CYP4X1: variants seen among roughly 807,000 people sequenced by gnomAD.
CYP4X1 encodes cytochrome P450 family 4 subfamily X member 1.
Under a neutral mutation model 57.9 loss-of-function variants are expected in CYP4X1, and 44 were observed. The observed-to-expected ratio is 0.76, with a 90% CI of 0.60 to 0.98. CYP4X1 has a LOEUF of 0.98. CYP4X1 is among the 50% of genes least tolerant of loss of function. The pLI, the probability that CYP4X1 is intolerant of heterozygous loss-of-function variation, is 0.00. For missense variants in CYP4X1, 532 were observed against 623.9 expected, an observed-to-expected ratio of 0.85 and a Z score of 1.57; for synonymous variants, 227 against 228.6, an observed-to-expected ratio of 0.99 and a Z score of 0.06.
rs373064186 is a variant in CYP4X1, at chr1:47,031,445, C to T, written c.329C>T (p.Ser110Phe). Residue 110 changes from serine to phenylalanine, a missense_variant, in exon 3 of 12, where the codon TCC becomes TTC. Coordinates refer to ENST00000371901, the MANE Select transcript of CYP4X1 (RefSeq NM_178033.2). ...KTLLSRTDPK[S>F]QYLQKFSPPL... is the part of the protein sequence containing the mutation. The stretch of plus-strand genomic sequence containing the variant: ...CTGCTTGACTCTGCAGATCCCAAGT[C>T]CCAGTACCTGCAGAAATTCTCACCT... 1.2e-6 allele frequency: 2 copies of T among 1,613,884 alleles called. No individual in the cohort carries two copies. The highest frequency in any genetic ancestry group is 2.7e-5 in the African/African-American group (2 of 74,876).
At chr1:47,012,711 C>T in the CYP4X1 span, among the ~76,000 whole-genome samples, 1 of 152,104 alleles carries the variant, frequency 6.6e-6, no homozygotes, top group African/African-American at 2.4e-5. Context: ...GCTTATTTGT[C>T]CTTATTTGTG....
the CYP4X1 span, among the ~76,000 whole-genome samples, chr1:46,968,844 C>A: frequency 3.9e-5 from 6 of 152,328 alleles, no homozygotes; most frequent in Non-Finnish European, 5.9e-5. Context: ...GTGTATGGGA[C>A]TTTACCCTCA....
At chr1:46,991,168 T>C in the CYP4X1 span, among the ~76,000 whole-genome samples, 1 of 152,084 alleles carries the variant, frequency 6.6e-6, no homozygotes, top group African/African-American at 2.4e-5. Flanking sequence ...CTGCTTTTAA[T>C]GCGTTCTCTC....
chr1:46,963,285 A>T, the CYP4X1 span, among the ~76,000 whole-genome samples: 2 of 152,066 alleles, frequency 1.3e-5, no homozygotes, highest in South Asian at 4.2e-4. Flanking sequence ...TGTGAATTTG[A>T]TCCTGTCATT....
At chr1:47,012,463 C>T in the CYP4X1 span, among the ~76,000 whole-genome samples, 7 of 152,046 alleles carry the variant, frequency 4.6e-5, no homozygotes, top group Admixed American at 6.6e-5. Flanking sequence ...AGGTAAATGA[C>T]GAGTTAATGG....
At chr1:46,962,748 C>T in the CYP4X1 span, among the ~76,000 whole-genome samples, 1 of 152,146 alleles carries the variant, frequency 6.6e-6, no homozygotes, top group Non-Finnish European at 1.5e-5. Context: ...GTGGAGAGTT[C>T]TGTAGATATG....
At chr1:46,964,542 C>T in the CYP4X1 span, among the ~76,000 whole-genome samples, 1 of 152,312 alleles carries the variant, frequency 6.6e-6, no homozygotes, top group Non-Finnish European at 1.5e-5. Context: ...GCAGTGGAGG[C>T]TGCAGAACAG....
chr1:47,035,921 G>T lies in CYP4X1; in HGVS notation c.608G>T (p.Cys203Phe). 1 of 1,613,658 alleles carries T rather than the reference G, an allele frequency of 6.2e-7. No homozygotes were observed. The highest frequency in any genetic ancestry group is 8.5e-7 in the Non-Finnish European group (1 of 1,179,750). The change falls in exon 5 of 12, where the codon TGC (cysteine) becomes TTC (phenylalanine). Residue 203 changes from cysteine (C) to phenylalanine (F), a missense_variant. Cys to Phe is a radical substitution (Grantham distance 205, BLOSUM62 -2). Transcript: ENST00000371901. Reference protein sequence around the residue: ...MKCAFSKETNCQTNSTHDPYA... With the variant: ...MKCAFSKETNFQTNSTHDPYA... Reference sequence around the variant, plus strand: ...TGCGCTTTCAGCAAGGAGACCAACTGCCAGACAAACAGGTCAGTGGTGGGA... The same window carrying T: ...TGCGCTTTCAGCAAGGAGACCAACTTCCAGACAAACAGGTCAGTGGTGGGA...
intron 11 of CYP4X1, 95 bp downstream of exon 11, chr1:47,049,599 G>C (rs1325528739): frequency 1.8e-6 from 2 of 1,142,290 alleles, no homozygotes; most frequent in African/African-American, 3.1e-5. Context: ...ATTCTTCCAG[G>C]GAACCGTAGA....
chr1:46,987,675 A>G, the CYP4X1 span, among the ~76,000 whole-genome samples: 1 of 152,178 alleles, frequency 6.6e-6, no homozygotes, highest in Non-Finnish European at 1.5e-5. Context: ...AGAAATCATA[A>G]CAAACAGTCT....
chr1:47,039,605 C>T lies in CYP4X1; in HGVS notation c.1073+73C>T, dbSNP rs192470020. The T allele has an allele frequency of 7.8e-4, 984 of 1,267,916 alleles. 11 individuals carry two copies. The African/African-American group carries it at 0.013, about 16-fold the overall frequency. The allele number at this position is 1,267,916 out of a possible 1,614,324, so 78.5% of individuals were successfully genotyped here. A position where few individuals can be genotyped will look rare whatever the true frequency, so the allele number is the denominator to read the frequency against. On this transcript the variant is annotated intron_variant, in intron 8 of 11. Coordinates refer to ENST00000371901, the MANE Select transcript of CYP4X1 (RefSeq NM_178033.2). ...TTTGCTTTATTTTTTGCGCTGGTAC[C>T]TTAGTGACCCTAGTGCCTCAGGATA...
chr1:47,027,035 A>G (rs1339368856), intron 1 of CYP4X1, among the ~76,000 whole-genome samples: 1 of 151,866 alleles, frequency 6.6e-6, no homozygotes, highest in Non-Finnish European at 1.5e-5. Context: ...TTTTTTAACG[A>G]TGTTTTTGTA....
chr1:46,972,776 G>A, the CYP4X1 span, among the ~76,000 whole-genome samples: 1 of 152,006 alleles, frequency 6.6e-6, no homozygotes. Context: ...GATTTTTATA[G>A]AATGATTTTG....
rs145258579 is a variant in CYP4X1 at position 47,036,417 on chromosome 1, A to G, written c.775+246A>G. On this transcript the variant is annotated intron_variant, in intron 6 of 11. Transcript: ENST00000371901. ...TTTTTATTATGGACAATTATTATTA[A>G]TACAAATATAAGTAGGCACTTAAGA... Among the ~76,000 whole-genome samples the G allele has an allele frequency of 2.4e-3, 300 of 125,362 alleles. 1 individual carries two copies. The highest frequency in any genetic ancestry group is 4.6e-3 in the South Asian group (15 of 3,282). The allele number at this position is 125,362 out of a possible 152,430, so 82.2% of individuals were successfully genotyped here.
At chr1:46,984,398 A>C in the CYP4X1 span, among the ~76,000 whole-genome samples, 329 of 147,202 alleles carry the variant, frequency 2.2e-3, 2 homozygotes, top group African/African-American at 7.8e-3. Context: ...AAAAAAAAAA[A>C]AAACCAGGAG....
At chr1:47,041,170 G>A (rs760789101) in intron 8 of CYP4X1, among the ~76,000 whole-genome samples, 57 of 151,934 alleles carry the variant, frequency 3.8e-4, no homozygotes, top group African/African-American at 1.3e-3. Flanking sequence ...TATATACCAT[G>A]TTTTCTTTAT....
At chr1:47,035,780 A>G in intron 4 of CYP4X1, 26 bp from the exon 5 acceptor site, 1 of 1,600,970 alleles carries the variant, frequency 6.2e-7, no homozygotes, top group Non-Finnish European at 8.5e-7. Flanking sequence ...GGTGGTGATG[A>G]TGTTGGTCTT....
intron 8 of CYP4X1, among the ~76,000 whole-genome samples, chr1:47,041,914 C>T (rs1019118399): frequency 6.6e-6 from 1 of 152,008 alleles, no homozygotes; most frequent in African/African-American, 2.4e-5. Flanking sequence ...AGTTTCAGGT[C>T]ATATGTTTAA....
In CYP4X1 at chr1:47,039,327, T is replaced by C. The variant is rs1375749644; in HGVS notation, c.883-15T>C. On this transcript the variant is annotated splice_polypyrimidine_tract_variant and intron_variant, in intron 7 of 11. Coordinates refer to ENST00000371901, the MANE Select transcript of CYP4X1 (RefSeq NM_178033.2). ...ACTGGCATTTTATTTAAAATATTTG[T>C]ATTGTACTTTCTAGGATGAAAGTGG... is the stretch of plus-strand genomic sequence containing the variant. The C allele has an allele frequency of 2.7e-5, 43 of 1,568,860 alleles. No homozygotes were observed. Among genetic ancestry groups the C allele is most frequent in the Non-Finnish European group, 3.4e-5 (39 of 1,159,316 alleles).
Sources: gnomAD v4.1 joint callset for allele counts (sites outside exome capture counted in the v4.1 genomes callset) on GRCh38, gnomAD v4.1.1 for gene constraint, MANE v1.5 for transcripts, NCBI Gene and HGNC (gene_info 2026-07-23, HGNC 2026-07-21) for gene names.